Variants in TUBD1 observed in about 807,000 individuals in gnomAD.
TUBD1 encodes tubulin delta chain.
A neutral mutation model predicts 51.2 loss-of-function variants in TUBD1; 38 were observed. That is an observed-to-expected ratio of 0.74 (90% CI 0.57 to 0.97). The LOEUF (loss-of-function observed/expected upper bound fraction) is 0.97, where lower values mean the gene tolerates loss of function less well. Ranked by LOEUF, TUBD1 falls within the 50% of genes least tolerant of loss-of-function variation. The pLI is 0.00. For missense variants in TUBD1, 489 were observed against 538.4 expected, an observed-to-expected ratio of 0.91 and a Z score of 0.91; for synonymous variants, 169 against 178.2, an observed-to-expected ratio of 0.95 and a Z score of 0.41.
At chr17:59,876,832 C>T (rs192546208) in intron 5 of TUBD1, among the ~76,000 whole-genome samples, 76 of 152,002 alleles carry the variant, frequency 5.0e-4, no homozygotes, top group Non-Finnish European at 9.3e-4. Flanking sequence ...TTCTCCCTTC[C>T]AGCTTTCTTG....
At chr17:59,870,888 C>T (rs2039954340) in intron 6 of TUBD1, among the ~76,000 whole-genome samples, 1 of 152,168 alleles carries the variant, frequency 6.6e-6, no homozygotes, top group Non-Finnish European at 1.5e-5. Context: ...GTTTACCGTT[C>T]CAGGCTCCAA....
intron 5 of TUBD1, 62 bp from the exon 6 acceptor site, chr17:59,874,765 T>C (rs1261608232): frequency 1.4e-6 from 2 of 1,384,628 alleles, no homozygotes; most frequent in Non-Finnish European, 2.0e-6. Context: ...CAATAGTCTA[T>C]ATATAACCAT....
At chr17:59,889,726 T>C (rs564514730) in intron 2 of TUBD1, among the ~76,000 whole-genome samples, 6 of 149,544 alleles carry the variant, frequency 4.0e-5, no homozygotes, top group African/African-American at 1.2e-4. Flanking sequence ...TCCCATCACT[T>C]TGGGAGGCCA....
chr17:59,879,953 A>G (rs2040407158), intron 4 of TUBD1, among the ~76,000 whole-genome samples: 1 of 151,894 alleles, frequency 6.6e-6, no homozygotes, highest in Admixed American at 6.6e-5. Context: ...GTGTTTCTCC[A>G]TGTTGGCCAG....
At chr17:59,874,293 T>C (rs540750571) in intron 6 of TUBD1, among the ~76,000 whole-genome samples, 1 of 152,208 alleles carries the variant, frequency 6.6e-6, no homozygotes, top group East Asian at 1.9e-4. Flanking sequence ...TTTAAAACTA[T>C]GTTCACTTAT....
intron 6 of TUBD1, among the ~76,000 whole-genome samples, chr17:59,872,100 T>C (rs572054520): frequency 6.6e-6 from 1 of 152,180 alleles, no homozygotes; most frequent in South Asian, 2.1e-4. Flanking sequence ...ATTACAAGTG[T>C]GTGCCATCAC....
At chr17:59,882,277 TTTTG>T (rs1211445361) in intron 3 of TUBD1, among the ~76,000 whole-genome samples, 5 of 152,024 alleles carry the variant, frequency 3.3e-5, no homozygotes, top group Non-Finnish European at 7.4e-5. Flanking sequence ...TTTTTATTTT[TTTTG>T]TTTTTGTTTT....
Position 59,885,413 on chromosome 17 carries a change from T to C in TUBD1, c.320+670A>G. On this transcript the variant is annotated intron_variant, in intron 3 of 8. Coordinates refer to ENST00000325752, the MANE Select transcript of TUBD1 (RefSeq NM_016261.4). ...CAGCTGTTCGGCTTCATGGCTCTCA[T>C]GATATTCATGTTCTGGGTGGGGGAT... 5 of 1,157,726 alleles carry C rather than the reference T, an allele frequency of 4.3e-6. No homozygotes were observed. The South Asian group carries it at 4.9e-5, about 11-fold the overall frequency. 71.7% of individuals were successfully genotyped at this position (1,157,726 alleles called of 1,614,324 possible).
chr17:59,867,258 A>T (rs944723317), intron 6 of TUBD1, among the ~76,000 whole-genome samples: 1 of 151,598 alleles, frequency 6.6e-6, no homozygotes, highest in Non-Finnish European at 1.5e-5. Context: ...GCAGCCTCAA[A>T]CTCCTGGGCT....
chr17:59,866,527 A>G (rs1394955249), intron 7 of TUBD1, 82 bp downstream of exon 7: 1 of 1,530,952 alleles, frequency 6.5e-7, no homozygotes, highest in African/African-American at 1.4e-5. Context: ...CCAAGAACAC[A>G]GGGACTTTTT....
rs1175576793 is a variant in TUBD1 at position 59,886,126 on chromosome 17, A to T, written c.277T>A (p.Cys93Ser). ...CCAGAACCTTGTTTTTGACAGAAGC[A>T]TGCATGTTGACCATATTTCCATTGG... Reference protein sequence around the residue: ...SGQWKYGQHACFCQKQGSGNN... With the variant: ...SGQWKYGQHASFCQKQGSGNN... Residue 93 changes from cysteine to serine, a missense_variant, in exon 3 of 9, where the codon TGC (cysteine) becomes AGC (serine). Cys to Ser is a moderately radical substitution (Grantham distance 112, BLOSUM62 -1). Transcript: ENST00000325752. The T allele has an allele frequency of 6.2e-7, 1 of 1,614,070 alleles. No homozygotes were observed. The highest frequency in any genetic ancestry group is 8.5e-7 in the Non-Finnish European group (1 of 1,180,026).
intron 3 of TUBD1, among the ~76,000 whole-genome samples, chr17:59,883,361 C>G (rs2040574955): frequency 6.6e-6 from 1 of 151,736 alleles, no homozygotes; most frequent in Non-Finnish European, 1.5e-5. Flanking sequence ...CCTCTGCCTC[C>G]TGGGTTCAAG....
chr17:59,860,436 A>C lies in TUBD1; in HGVS notation c.1260-12T>G. 1 of 1,530,174 alleles carries C rather than the reference A, an allele frequency of 6.5e-7. No individual in the cohort carries two copies. The highest frequency in any genetic ancestry group is 8.9e-7 in the Non-Finnish European group (1 of 1,125,372). 94.8% of individuals were successfully genotyped at this position (1,530,174 alleles called of 1,614,324 possible). ...GATGAATGTAGGCTCTGGTAGAAAAAAAAAAAAAACAGAAATTACAAAATA... is the reference window on the plus strand; with the variant it reads ...GATGAATGTAGGCTCTGGTAGAAAACAAAAAAAAACAGAAATTACAAAATA... On this transcript the variant is annotated splice_polypyrimidine_tract_variant and intron_variant, in intron 8 of 8. Transcript: ENST00000325752.
At chr17:59,874,322 T>TA (rs922465153) in intron 6 of TUBD1, among the ~76,000 whole-genome samples, 3 of 151,998 alleles carry the variant, frequency 2.0e-5, no homozygotes, top group Non-Finnish European at 4.4e-5. Flanking sequence ...AATAAAAATT[T>TA]AAAAAAAATC....
intron 6 of TUBD1, among the ~76,000 whole-genome samples, chr17:59,868,392 A>G (rs549878939): frequency 7.9e-5 from 12 of 151,674 alleles, no homozygotes; most frequent in Non-Finnish European, 1.8e-4. Context: ...GGTGAGAGAA[A>G]TAGGGTAAAT....
intron 3 of TUBD1, among the ~76,000 whole-genome samples, chr17:59,881,805 GATT>G (rs2040502462): frequency 6.6e-6 from 1 of 151,888 alleles, no homozygotes; most frequent in African/African-American, 2.4e-5. Context: ...GAGTAGCTGG[GATT>G]ACAGATGCCC....
intron 5 of TUBD1, among the ~76,000 whole-genome samples, chr17:59,875,451 C>T (rs2099492778): frequency 6.6e-6 from 1 of 151,568 alleles, no homozygotes; most frequent in African/African-American, 2.4e-5. Flanking sequence ...ACCCTGTTAA[C>T]ATGAAAGTTA....
In TUBD1 at chr17:59,892,821, GT is replaced by G; in HGVS notation, c.-165del. The G allele has an allele frequency of 4.7e-6, 1 of 211,632 alleles. No individual in the cohort carries two copies. Among genetic ancestry groups the G allele is most frequent in the Non-Finnish European group, 9.8e-6 (1 of 101,994 alleles). The allele number at this position is 211,632 out of a possible 1,614,324, so 13.1% of individuals were successfully genotyped here. On this transcript the variant is annotated 5_prime_UTR_variant, in exon 1 of 9. Transcript: ENST00000325752. ...AATGCGCATGTTCCATAAACGGAGA[GT>G]TTTGTTGTGTATATATTTTTTCCTA...
intron 3 of TUBD1, chr17:59,885,333 C>A: frequency 1.5e-6 from 1 of 663,110 alleles, no homozygotes. Context: ...GGCAGCTAGA[C>A]ATGTATACCA....
Sources: allele counts gnomAD v4.1 joint callset (sites outside exome capture counted in the v4.1 genomes callset), GRCh38; gene constraint gnomAD v4.1.1; transcripts MANE v1.5; gene names NCBI Gene and HGNC (gene_info 2026-07-23, HGNC 2026-07-21).